Variants in CYTH4 observed in about 807,000 individuals in gnomAD.
CYTH4 encodes the protein cytohesin-4.
A neutral mutation model predicts 57.5 loss-of-function variants in CYTH4; 22 were observed. That is an observed-to-expected ratio of 0.38 (90% confidence interval 0.27 to 0.55). The LOEUF (loss-of-function observed/expected upper bound fraction) is 0.55, where lower values mean the gene tolerates loss of function less well. CYTH4 is among the 20% of genes least tolerant of loss of function. The pLI, the probability that CYTH4 is intolerant of heterozygous loss-of-function variation, is 0.74. For synonymous variants in CYTH4, 186 were observed against 206.5 expected (o/e 0.90, Z 0.85); for missense variants, 420 against 535.6 (o/e 0.78, Z 2.13).
chr22:37,294,155 G>C (rs1161509224), intron 2 of CYTH4, among the ~76,000 whole-genome samples: 2 of 144,666 alleles, frequency 1.4e-5, no homozygotes, highest in Admixed American at 1.4e-4. Flanking sequence ...AGGCAGGCAG[G>C]GTGGAGGCGG....
At chr22:37,299,102 G>T in intron 5 of CYTH4, 124 bp from the exon 6 acceptor site, 1 of 703,412 alleles carries the variant, frequency 1.4e-6, no homozygotes, top group Non-Finnish European at 2.6e-6. Context: ...ACACCAGATG[G>T]CAGCTGGACC....
intron 1 of CYTH4, among the ~76,000 whole-genome samples, chr22:37,289,301 T>G (rs1167728319): frequency 6.6e-6 from 1 of 152,210 alleles, no homozygotes; most frequent in Non-Finnish European, 1.5e-5. Flanking sequence ...GCATGGATAT[T>G]CTGACTTCAA....
rs768254975 is a variant in CYTH4, at chr22:37,300,980, C to G, written c.508C>G (p.Arg170Gly). The G allele has an allele frequency of 6.8e-6, 11 of 1,614,056 alleles. No homozygotes were observed. Among genetic ancestry groups the G allele is most frequent in the African/African-American group, 1.3e-5 (1 of 74,922 alleles). Reference sequence around the variant, plus strand: ...CCGGATGATGGAGGCCTTTGCCACTCGATACTGCCTCTGCAACCCAGGCGT... The same window carrying G: ...CCGGATGATGGAGGCCTTTGCCACTGGATACTGCCTCTGCAACCCAGGCGT... ...IDRMMEAFAT[R>G]YCLCNPGVFQ... The change falls in exon 7 of 13, where the codon CGA becomes GGA. Residue 170 changes from arginine to glycine, a missense_variant. Physicochemically the swap from Arg to Gly is moderately radical, Grantham distance 125 (BLOSUM62 -2). Coordinates refer to ENST00000248901, the MANE Select transcript of CYTH4 (RefSeq NM_013385.5).
Position 37,286,017 on chromosome 22 carries a change from G to A in CYTH4, c.19+3429G>A, listed in dbSNP as rs575360706. On this transcript the variant is annotated intron_variant, in intron 1 of 12. Coordinates refer to ENST00000248901, the MANE Select transcript of CYTH4 (RefSeq NM_013385.5). ...GGAGCTGTATGCAGTAAAAATACAA[G>A]CAACCTGCTCACTATTCCCATGCAA... Among the ~76,000 whole-genome samples, 54 of 152,238 alleles carry A rather than the reference G, an allele frequency of 3.5e-4. No individual in the cohort carries two copies. In the South Asian group the frequency reaches 0.011, roughly 31 times the overall value.
chr22:37,283,696 G>A (rs1293623931), intron 1 of CYTH4, among the ~76,000 whole-genome samples: 1 of 152,100 alleles, frequency 6.6e-6, no homozygotes, highest in Non-Finnish European at 1.5e-5. Flanking sequence ...GCAGGAGCAG[G>A]ACCAAATCCT....
At chr22:37,292,479 C>T (rs893403210) in intron 1 of CYTH4, 142 bp from the exon 2 acceptor site, 8 of 752,170 alleles carry the variant, frequency 1.1e-5, no homozygotes, top group African/African-American at 1.7e-5. Flanking sequence ...ACAGGGCAGT[C>T]AGGGGAGGCT....
At chr22:37,283,044 G>A (rs1928421684) in intron 1 of CYTH4, among the ~76,000 whole-genome samples, 1 of 152,164 alleles carries the variant, frequency 6.6e-6, no homozygotes, top group Non-Finnish European at 1.5e-5. Flanking sequence ...GCTCAGAGGT[G>A]GACTCAGAAA....
intron 8 of CYTH4, 118 bp from the exon 9 acceptor site, chr22:37,309,094 G>A: frequency 1.3e-6 from 1 of 759,916 alleles, no homozygotes; most frequent in Non-Finnish European, 2.2e-6. Flanking sequence ...AAACAGGTGA[G>A]GAAAGAGTAT....
In CYTH4 at chr22:37,295,481, C is replaced by T. The variant is rs901433685; in HGVS notation, c.168-518C>T. On this transcript the variant is annotated intron_variant, in intron 3 of 12. Transcript: ENST00000248901. The surrounding 1 kb of genome is among the most constrained non-coding windows in gnomAD (Gnocchi z 4.1). ...ACACGAGTGGCCGTTTCTCCAGCTC[C>T]CCTGTTCCAGCCACAACAATGACAA... Among the ~76,000 whole-genome samples the T allele has an allele frequency of 6.6e-6, 1 of 152,158 alleles. No individual in the cohort carries two copies. The highest frequency in any genetic ancestry group is 1.5e-5 in the Non-Finnish European group (1 of 68,022).
intron 8 of CYTH4, among the ~76,000 whole-genome samples, chr22:37,307,772 G>A (rs1929455526): frequency 6.6e-6 from 1 of 152,214 alleles, no homozygotes; most frequent in African/African-American, 2.4e-5. Context: ...CTTTGAATAA[G>A]CAGAAATGGA....
rs982103198 is a variant in CYTH4, at chr22:37,303,270, G to T, written c.564G>T (p.Leu188Phe). Residue 188 changes from leucine (L) to phenylalanine (F), a missense_variant, in exon 8 of 13, where the codon TTG becomes TTT. Coordinates refer to ENST00000248901, the MANE Select transcript of CYTH4 (RefSeq NM_013385.5). ...VFQSTDTCYV[L>F]SFSIIMLNTS... ...CCTCCGCAGACACCTGCTACGTGTT[G>T]TCCTTCTCCATCATCATGCTCAACA... 3 of 1,614,066 alleles carry T rather than the reference G, an allele frequency of 1.9e-6. No individual in the cohort carries two copies. The African/African-American group carries it at 4.0e-5, about 22-fold the overall frequency.
rs1929734019 is a variant in CYTH4 at position 37,313,637 on chromosome 22, C to T, written c.*126C>T. On this transcript the variant is annotated 3_prime_UTR_variant, in exon 13 of 13. Transcript: ENST00000248901. Reference sequence around the variant, plus strand: ...AGACATCATTGCTGTTCCCCGTTACCTCGAGCTGACTCTAGAGGGGAAGGC... The same window carrying T: ...AGACATCATTGCTGTTCCCCGTTACTTCGAGCTGACTCTAGAGGGGAAGGC... The T allele has an allele frequency of 1.2e-6, 1 of 857,070 alleles. No individual in the cohort carries two copies. Among genetic ancestry groups the T allele is most frequent in the South Asian group, 1.6e-5 (1 of 63,400 alleles). 53.1% of individuals were successfully genotyped at this position (857,070 alleles called of 1,614,324 possible).
chr22:37,300,600 G>A (rs1007203821), intron 6 of CYTH4, among the ~76,000 whole-genome samples: 1 of 152,226 alleles, frequency 6.6e-6, no homozygotes. Flanking sequence ...CACAGACCCC[G>A]GGGCAGGCAG....
chr22:37,311,133 A>G lies in CYTH4; in HGVS notation c.885+69A>G, dbSNP rs2145871968. On this transcript the variant is annotated intron_variant, in intron 10 of 12. Transcript: ENST00000248901. This position sits in a 1 kb window ranked among gnomAD's most constrained non-coding sequence, Gnocchi z 4.4. The stretch of plus-strand genomic sequence containing the variant: ...CCGCACAACCCACTTCCCAACTCCC[A>G]CTGAGCAGTCGACTCACACAGCTTT... The G allele has an allele frequency of 6.5e-7, 1 of 1,529,026 alleles. No individual in the cohort carries two copies. Among genetic ancestry groups the G allele is most frequent in the Non-Finnish European group, 9.1e-7 (1 of 1,104,572 alleles). 94.7% of individuals were successfully genotyped at this position (1,529,026 alleles called of 1,614,324 possible).
chr22:37,306,596 T>A (rs1007365204), intron 8 of CYTH4, among the ~76,000 whole-genome samples: 2 of 152,224 alleles, frequency 1.3e-5, no homozygotes, highest in Non-Finnish European at 1.5e-5. Context: ...TACCAGTTAC[T>A]TCCTAGCTAG....
intron 1 of CYTH4, among the ~76,000 whole-genome samples, chr22:37,290,372 C>T (rs926903143): frequency 7.9e-5 from 12 of 152,280 alleles, no homozygotes; most frequent in African/African-American, 2.9e-4. Context: ...GGAGTCATTG[C>T]CATATATACT....
chr22:37,301,142 G>A lies in CYTH4; in HGVS notation c.547+123G>A, dbSNP rs572113454. ...ACCCTGGCAGCCCAGACCCCTTCAT[G>A]AGCCCTCACTGAGCACTGACTTCAT... On this transcript the variant is annotated intron_variant, in intron 7 of 12. Coordinates refer to ENST00000248901, the MANE Select transcript of CYTH4 (RefSeq NM_013385.5). The A allele has an allele frequency of 1.4e-5, 10 of 729,868 alleles. No individual in the cohort carries two copies. In the Admixed American group the frequency reaches 2.7e-4, roughly 19 times the overall value. The allele number at this position is 729,868 out of a possible 1,614,324, so 45.2% of individuals were successfully genotyped here.
chr22:37,293,876 G>A (rs567693620), intron 2 of CYTH4, among the ~76,000 whole-genome samples: 70 of 152,132 alleles, frequency 4.6e-4, no homozygotes, highest in Middle Eastern at 6.8e-3. Flanking sequence ...GACTGCGGGC[G>A]TGTCGTGTCA....
chr22:37,311,683 G>C lies in CYTH4; in HGVS notation c.957+156G>C. The C allele has an allele frequency of 1.3e-6, 1 of 757,056 alleles. No homozygotes were observed. 46.9% of individuals were successfully genotyped at this position (757,056 alleles called of 1,614,324 possible). On this transcript the variant is annotated intron_variant, in intron 11 of 12. Coordinates refer to ENST00000248901, the MANE Select transcript of CYTH4 (RefSeq NM_013385.5). This position sits in a 1 kb window ranked among gnomAD's most constrained non-coding sequence, Gnocchi z 4.4. The stretch of plus-strand genomic sequence containing the variant: ...CAGGGCTGCCTTCTCTCCCTCCTGG[G>C]GCCATGGACAGTGAGAAAAGGTCAA...
Sources: gnomAD v4.1 joint callset for allele counts (sites outside exome capture counted in the v4.1 genomes callset) on GRCh38, gnomAD v4.1.1 for gene constraint, Gnocchi (gnomAD v3.1) non-coding constraint, MANE v1.5 for transcripts, NCBI Gene and HGNC (gene_info 2026-07-23, HGNC 2026-07-21) for gene names.